The following NRXN3 variants were observed in gnomAD, a reference collection of about 807,000 sequenced individuals.
The protein encoded by NRXN3 is neurexin 3, also known as neurexin III.
In NRXN3, 32 loss-of-function variants were observed where a neutral mutation model predicts 137.6. That is an observed-to-expected ratio of 0.23 (90% CI 0.18 to 0.31). NRXN3 has a LOEUF of 0.31. Ranked by LOEUF, NRXN3 falls within the 10% of genes least tolerant of loss-of-function variation. NRXN3 has a pLI of 1.00. For synonymous variants in NRXN3, 798 were observed against 784.5 expected, an observed-to-expected ratio of 1.02 and a Z score of -0.29; for missense variants, 1,574 against 2,062.5, an observed-to-expected ratio of 0.76 and a Z score of 4.59.
intron 15 of NRXN3, among the ~76,000 whole-genome samples, chr14:79,446,898 T>C (rs138102428): frequency 6.6e-6 from 1 of 152,338 alleles, no homozygotes; most frequent in Non-Finnish European, 1.5e-5. Flanking sequence ...TACAATACAG[T>C]ATTAGTAACT....
chr14:79,244,812 A>G (rs2074911878), intron 15 of NRXN3, among the ~76,000 whole-genome samples: 1 of 152,150 alleles, frequency 6.6e-6, no homozygotes, highest in Non-Finnish European at 1.5e-5. Flanking sequence ...TGAATAGGCA[A>G]TGATTTCAAC....
intron 19 of NRXN3, among the ~76,000 whole-genome samples, chr14:79,749,779 AT>A (rs111721660): frequency 4.7e-5 from 7 of 150,376 alleles, no homozygotes; most frequent in East Asian, 2.0e-4. Context: ...TGCACCAAAC[AT>A]TTTTTTTTAT....
intron 19 of NRXN3, among the ~76,000 whole-genome samples, chr14:79,790,615 C>CTTTTTTT (rs34493154): frequency 1.8e-4 from 13 of 73,128 alleles, no homozygotes; most frequent in Admixed American, 3.5e-4. Context: ...GGCCCAGGCT[C>CTTTTTTT]TTTTTTTTTT....
chr14:79,362,426 G>C (rs2093718723), intron 15 of NRXN3, among the ~76,000 whole-genome samples: 1 of 151,982 alleles, frequency 6.6e-6, no homozygotes, highest in African/African-American at 2.4e-5. Context: ...AACGGTACTG[G>C]TTAATCTCAA....
At chr14:79,248,593 A>T (rs1175879090) in intron 15 of NRXN3, 1 of 152,056 alleles carries the variant, frequency 6.6e-6, no homozygotes, top group African/African-American at 2.4e-5. Context: ...CCATAACTGC[A>T]TACCTTTCTG....
intron 4 of NRXN3, among the ~76,000 whole-genome samples, chr14:78,623,275 C>G (rs1465965564): frequency 6.6e-6 from 1 of 152,164 alleles, no homozygotes; most frequent in African/African-American, 2.4e-5. Flanking sequence ...TTTCAGTAAC[C>G]CTTCTCTCTT....
intron 4 of NRXN3, among the ~76,000 whole-genome samples, chr14:78,504,165 G>A (rs2095936591): frequency 6.6e-6 from 1 of 152,148 alleles, no homozygotes; most frequent in African/African-American, 2.4e-5. Flanking sequence ...TACGTTATGT[G>A]GAACACACTT....
At chr14:78,583,288 C>T (rs2097022851) in intron 4 of NRXN3, among the ~76,000 whole-genome samples, 1 of 151,614 alleles carries the variant, frequency 6.6e-6, no homozygotes, top group African/African-American at 2.4e-5. Context: ...TATTTGTCCA[C>T]TAAAATATTA....
intron 16 of NRXN3, among the ~76,000 whole-genome samples, chr14:79,512,622 A>G (rs1290957548): frequency 6.6e-6 from 1 of 152,210 alleles, no homozygotes; most frequent in East Asian, 1.9e-4. Context: ...GGTGAAACGT[A>G]TTGATTTTAA....
At chr14:78,986,178 A>G (rs143276808) in intron 14 of NRXN3, among the ~76,000 whole-genome samples, 1 of 152,260 alleles carries the variant, frequency 6.6e-6, no homozygotes, top group East Asian at 1.9e-4. Flanking sequence ...CTTACGTTAG[A>G]AACTGTGAAA....
intron 2 of NRXN3, among the ~76,000 whole-genome samples, chr14:78,249,822 A>G (rs551038055): frequency 2.4e-4 from 36 of 152,274 alleles, no homozygotes; most frequent in Non-Finnish European, 2.2e-4. Flanking sequence ...GAACCGAGAA[A>G]TTGGGAACTT....
At chr14:78,874,634 T>G (rs896868420) in intron 10 of NRXN3, among the ~76,000 whole-genome samples, 1 of 152,146 alleles carries the variant, frequency 6.6e-6, no homozygotes, top group Non-Finnish European at 1.5e-5. Flanking sequence ...GTTGGCAGAG[T>G]GTCTTCCTTC....
At chr14:78,667,350 G>A (rs1178514069) in intron 6 of NRXN3, among the ~76,000 whole-genome samples, 1 of 152,110 alleles carries the variant, frequency 6.6e-6, no homozygotes, top group Non-Finnish European at 1.5e-5. Flanking sequence ...ATGCAATAAA[G>A]CCTTTAGCTG....
intron 16 of NRXN3, among the ~76,000 whole-genome samples, chr14:79,577,777 G>A (rs991904397): frequency 3.9e-5 from 6 of 152,172 alleles, no homozygotes; most frequent in Admixed American, 3.9e-4. Flanking sequence ...TATGATGCTG[G>A]TGGCAGGTAA....
At chr14:79,800,782 C>CA (rs1354502041) in intron 19 of NRXN3, among the ~76,000 whole-genome samples, 2 of 152,118 alleles carry the variant, frequency 1.3e-5, no homozygotes, top group African/African-American at 2.4e-5. Context: ...ACAACAACAA[C>CA]AAAAAACTGC....
chr14:78,947,195 G>A (rs926024658), intron 10 of NRXN3, among the ~76,000 whole-genome samples: 2 of 152,154 alleles, frequency 1.3e-5, no homozygotes, highest in African/African-American at 4.8e-5. Context: ...AGCTACCTCT[G>A]TCCACAGTGG....
Position 79,075,907 on chromosome 14 carries a change from C to T in NRXN3, c.3262+87766C>T, listed in dbSNP as rs551756264. 4.6e-5 allele frequency among the ~76,000 whole-genome samples: 7 copies of T among 152,244 alleles called. No homozygotes were observed. In the South Asian group the frequency reaches 1.0e-3, roughly 23 times the overall value. Reference sequence around the variant, plus strand: ...AAATGGCAGATCAGATGCCATTGGCCGTTTGCCCAATTAAGCCATAGCAGT... The same window carrying T: ...AAATGGCAGATCAGATGCCATTGGCTGTTTGCCCAATTAAGCCATAGCAGT... On this transcript the variant is annotated intron_variant, in intron 15 of 20. Transcript: ENST00000335750.
chr14:79,646,992 A>T (rs2098455828), intron 16 of NRXN3, among the ~76,000 whole-genome samples: 1 of 135,436 alleles, frequency 7.4e-6, no homozygotes, highest in Non-Finnish European at 1.7e-5. Context: ...TGGTGTAGGC[A>T]GACTGATCTG....
At chr14:78,935,880 G>A (rs953726674) in intron 10 of NRXN3, among the ~76,000 whole-genome samples, 34 of 152,140 alleles carry the variant, frequency 2.2e-4, no homozygotes, top group African/African-American at 7.7e-4. Flanking sequence ...ATCATTCAGG[G>A]GGTCACCTCA....
Sources: gnomAD v4.1 joint callset for allele counts (sites outside exome capture counted in the v4.1 genomes callset) on GRCh38, gnomAD v4.1.1 for gene constraint, MANE v1.5 for transcripts, NCBI Gene and HGNC (gene_info 2026-07-23, HGNC 2026-07-21) for gene names.